The following APOL3 variants were observed in gnomAD, a reference collection of about 807,000 sequenced individuals.
APOL3 encodes the protein TNF-inducible protein CG12-1.
APOL3 carries 14 observed loss-of-function variants against 11.6 expected under a neutral mutation model. That is an observed-to-expected ratio of 1.21 (90% CI 0.80 to 1.89). APOL3 has a LOEUF of 1.89. Among genes scored for constraint, APOL3 ranks in the 40% most tolerant of loss-of-function variants. The pLI, the probability that APOL3 is intolerant of heterozygous loss-of-function variation, is 0.00. For synonymous variants in APOL3, 192 were observed against 190.6 expected (o/e 1.01, Z -0.06); for missense variants, 483 against 492.1 (o/e 0.98, Z 0.17).
chr22:36,142,238 A>G (rs544395155), intron 2 of APOL3, among the ~76,000 whole-genome samples, 180 bp from the exon 4 acceptor site: 14 of 152,324 alleles, frequency 9.2e-5, no homozygotes, highest in East Asian at 3.9e-4. Flanking sequence ...TGTTTTGTAT[A>G]TCATAGATAT....
rs1029530355 is a variant in APOL3 at position 36,159,457 on chromosome 22, A to G, written c.223+1212T>C. ...CAAGAAAGTATAATGTTAATAATCC[A>G]AAATCTTCCAGGTTTGTTTCTGCTT... On this transcript the variant is annotated intron_variant, in intron 1 of 2. Coordinates refer to ENST00000349314, the Ensembl canonical transcript of APOL3. 9 of 152,350 alleles carry G rather than the reference A, an allele frequency of 5.9e-5. No homozygotes were observed. In the East Asian group the frequency reaches 1.7e-3, roughly 29 times the overall value. The allele number at this position is 152,350 out of a possible 1,614,324, so 9.4% of individuals were successfully genotyped here.
At chr22:36,163,096 T>G (rs1303817740), upstream of APOL3, among the ~76,000 whole-genome samples, 1 of 152,206 alleles carries the variant, frequency 6.6e-6, no homozygotes, top group Non-Finnish European at 1.5e-5. Flanking sequence ...ATTAAACAAC[T>G]TCATTAGGTT....
At chr22:36,149,372 C>T in intron 1 of APOL3, 1 of 1,306,332 alleles carries the variant, frequency 7.7e-7, no homozygotes, top group South Asian at 1.2e-5. Context: ...TCCTTTTGTC[C>T]TGTAGGGGTA....
upstream of APOL3, among the ~76,000 whole-genome samples, chr22:36,162,872 G>C (rs2013769337): frequency 6.6e-6 from 1 of 152,150 alleles, no homozygotes; most frequent in African/African-American, 2.4e-5. Flanking sequence ...ATTTTAGCTT[G>C]GGGAACTGAA....
intron 1 of APOL3, chr22:36,149,934 G>C (rs1379911932): frequency 2.2e-6 from 1 of 455,938 alleles, no homozygotes; most frequent in African/African-American, 2.0e-5. Flanking sequence ...AACTTCCCAA[G>C]TAGTTGTCCC....
intron 2 of APOL3, among the ~76,000 whole-genome samples, chr22:36,144,799 G>A (rs2060123845): frequency 1.3e-5 from 2 of 152,160 alleles, no homozygotes; most frequent in East Asian, 3.9e-4. Flanking sequence ...CACGAGGTCA[G>A]GAGATCAAGA....
At chr22:36,141,379 T>C in exon 3 of APOL3, 4 of 1,614,190 alleles carry the variant, frequency 2.5e-6, no homozygotes, top group Non-Finnish European at 3.4e-6. Flanking sequence ...ATGCCTGAAG[T>C]GGTCGCACTC....
Position 36,147,878 on chromosome 22 carries a change from T to A in APOL3, c.224-2279A>T, listed in dbSNP as rs2060277473. Among the ~76,000 whole-genome samples the A allele has an allele frequency of 3.3e-5, 5 of 152,184 alleles. No homozygotes were observed. In the South Asian group the frequency reaches 1.0e-3, roughly 31 times the overall value. On this transcript the variant is annotated intron_variant, in intron 1 of 2. Coordinates refer to ENST00000349314, the Ensembl canonical transcript of APOL3. ...CTGTAACCCCCCTTAAACTGCCAACTATGGGGAACTTAACTGGAGTCGTTT... is the reference window on the plus strand; with the variant it reads ...CTGTAACCCCCCTTAAACTGCCAACAATGGGGAACTTAACTGGAGTCGTTT...
At chr22:36,149,658 C>A in intron 1 of APOL3, 1 of 360,104 alleles carries the variant, frequency 2.8e-6, no homozygotes, top group Non-Finnish European at 5.4e-6. Context: ...TGTTAAGCAA[C>A]CTTGCCATGT....
intron 1 of APOL3, chr22:36,153,523 T>C (rs1016879538): frequency 7.1e-5 from 29 of 408,236 alleles, no homozygotes; most frequent in Admixed American, 6.4e-4. Context: ...TAATTTCCAG[T>C]GGCACCTTGC....
At chr22:36,148,568 G>C (rs2060302310) in intron 1 of APOL3, among the ~76,000 whole-genome samples, 1 of 152,208 alleles carries the variant, frequency 6.6e-6, no homozygotes, top group Non-Finnish European at 1.5e-5. Flanking sequence ...CTTTTCACAG[G>C]GCCACTCAGA....
intron 1 of APOL3, chr22:36,149,840 T>C (rs1474130482): frequency 4.4e-6 from 2 of 456,278 alleles, no homozygotes; most frequent in Non-Finnish European, 8.8e-6. Flanking sequence ...TCTGTCTTGG[T>C]GAATTCACTG....
At chr22:36,164,987 T>C (rs1269858127), upstream of APOL3, 2 of 152,204 alleles carry the variant, frequency 1.3e-5, no homozygotes, top group Non-Finnish European at 2.9e-5. Context: ...TGTCTTAACA[T>C]GACAAATCAC....
At chr22:36,141,213 C>A in exon 3 of APOL3, 3 of 1,613,206 alleles carry the variant, frequency 1.9e-6, no homozygotes, top group Non-Finnish European at 2.5e-6. Flanking sequence ...GTGGGTATGG[C>A]ATGGATTCAG....
intron 1 of APOL3, among the ~76,000 whole-genome samples, chr22:36,157,945 G>A (rs1339380153): frequency 1.3e-5 from 2 of 152,160 alleles, no homozygotes; most frequent in Admixed American, 1.3e-4. Context: ...AGCTACTTGG[G>A]AGGCTGAGAC....
At chr22:36,141,285 A>G in exon 3 of APOL3, 1 of 1,614,132 alleles carries the variant, frequency 6.2e-7, no homozygotes, top group South Asian at 1.1e-5. Flanking sequence ...CTGCCGCCTC[A>G]GCTCCTCAGC....
chr22:36,143,162 T>C (rs1425237599), intron 2 of APOL3, among the ~76,000 whole-genome samples: 1 of 152,204 alleles, frequency 6.6e-6, no homozygotes, highest in Non-Finnish European at 1.5e-5. Flanking sequence ...GGCTTCCTGA[T>C]CTAATGTGAT....
At chr22:36,146,503 T>C (rs1211208160) in intron 1 of APOL3, 2 of 152,100 alleles carry the variant, frequency 1.3e-5, no homozygotes, top group Non-Finnish European at 2.9e-5. Context: ...TCAGAGTGTA[T>C]TGAACACAGC....
At chr22:36,162,671 T>A (rs889145582), upstream of APOL3, among the ~76,000 whole-genome samples, 2 of 152,206 alleles carry the variant, frequency 1.3e-5, no homozygotes, top group African/African-American at 4.8e-5. Context: ...TACACTTTGC[T>A]TTGAGCTTGC....
Sources: allele counts gnomAD v4.1 joint callset (sites outside exome capture counted in the v4.1 genomes callset), GRCh38; gene constraint gnomAD v4.1.1; transcripts MANE v1.5; gene names NCBI Gene and HGNC (gene_info 2026-07-23, HGNC 2026-07-21).